The following NTN1 variants were observed in gnomAD, a reference collection of about 807,000 sequenced individuals.
The protein encoded by NTN1 is netrin 1.
Under a neutral mutation model 54.2 loss-of-function variants are expected in NTN1, and 11 were observed. The ratio of observed to expected loss-of-function variants is 0.20; its 90% CI spans 0.13 to 0.34. The LOEUF (loss-of-function observed/expected upper bound fraction) is 0.34. Among genes scored for constraint, NTN1 ranks in the 10% least tolerant of loss-of-function variants. The probability of loss-of-function intolerance (pLI) is 1.00; values close to 1 mark genes in which losing one functional copy is unlikely to be tolerated. For missense variants in NTN1, 740 were observed against 893.1 expected, an observed-to-expected ratio of 0.83 and a Z score of 2.18; for synonymous variants, 371 against 382.0, an observed-to-expected ratio of 0.97 and a Z score of 0.33.
At chr17:9,159,268 T>C (rs1030548820) in intron 2 of NTN1, among the ~76,000 whole-genome samples, 3 of 152,056 alleles carry the variant, frequency 2.0e-5, no homozygotes, top group Non-Finnish European at 2.9e-5. Flanking sequence ...AGAAAAACAA[T>C]ACATGGGGAA....
rs530587715 is a variant in NTN1 at position 9,227,700 on chromosome 17, C to T, written c.1486+6458C>T. Among the ~76,000 whole-genome samples the T allele has an allele frequency of 1.8e-3, 112 of 62,362 alleles. 4 individuals carry two copies. The South Asian group carries it at 0.038, about 21-fold the overall frequency. 40.9% of individuals were successfully genotyped at this position (62,362 alleles called of 152,430 possible). A position where few individuals can be genotyped will look rare whatever the true frequency, so the allele number is the denominator to read the frequency against. On this transcript the variant is annotated intron_variant, in intron 6 of 6. Coordinates refer to ENST00000173229, the MANE Select transcript of NTN1 (RefSeq NM_004822.3). ...TACACACCACACTTATACAGACACACGTATCACACGCACACACACCACACA... is the reference window on the plus strand; with the variant it reads ...TACACACCACACTTATACAGACACATGTATCACACGCACACACACCACACA...
Position 9,022,670 on chromosome 17 carries a change from C to A in NTN1, c.297C>A (p.Pro99=), listed in dbSNP as rs761638017. Residue 99 remains proline (P), a synonymous_variant, in exon 2 of 7, where the codon CCC becomes CCA. Transcript: ENST00000173229. The part of the protein sequence containing the change: ...RSCHLCNASD[P]KKAHPPAFLT... ...GCCACCTCTGCAACGCGTCCGACCC[C>A]AAGAAGGCGCACCCGCCCGCCTTCC... 5 of 1,575,834 alleles carry A rather than the reference C, an allele frequency of 3.2e-6. No individual in the cohort carries two copies. The African/African-American group carries it at 6.8e-5, about 21-fold the overall frequency.
At chr17:9,035,740 G>T (rs1289442810) in intron 2 of NTN1, among the ~76,000 whole-genome samples, 2 of 152,120 alleles carry the variant, frequency 1.3e-5, no homozygotes, top group Non-Finnish European at 2.9e-5. Context: ...ATTTGTAGAG[G>T]GTTGGGCATG....
rs1042064898 is a variant in NTN1, at chr17:9,241,648, C to G, written c.*1680C>G. On this transcript the variant is annotated 3_prime_UTR_variant, in exon 7 of 7. Coordinates refer to ENST00000173229, the MANE Select transcript of NTN1 (RefSeq NM_004822.3). ...CGGTGGTCTGGCTTCCCTCCGCCTT[C>G]CCCACATTTACCCGCATCACGGCTG... The G allele has an allele frequency of 6.6e-6, 1 of 152,434 alleles. No homozygotes were observed. The highest frequency in any genetic ancestry group is 1.5e-5 in the Non-Finnish European group (1 of 68,190). The allele number at this position is 152,434 out of a possible 1,614,324, so 9.4% of individuals were successfully genotyped here. A position where few individuals can be genotyped will look rare whatever the true frequency, so the allele number is the denominator to read the frequency against.
intron 5 of NTN1, among the ~76,000 whole-genome samples, chr17:9,207,208 C>T (rs1270165519): frequency 6.6e-6 from 1 of 152,160 alleles, no homozygotes; most frequent in Admixed American, 6.5e-5. Context: ...AAAAATGTAT[C>T]ACTGCACAGG....
At chr17:9,170,899 G>A (rs2092385614) in intron 3 of NTN1, among the ~76,000 whole-genome samples, 1 of 121,584 alleles carries the variant, frequency 8.2e-6, no homozygotes, top group Admixed American at 9.4e-5. Context: ...CACACACACT[G>A]GGAATCATTT....
chr17:9,151,149 G>A (rs1278099852), intron 2 of NTN1, among the ~76,000 whole-genome samples: 2 of 152,102 alleles, frequency 1.3e-5, no homozygotes, highest in Non-Finnish European at 2.9e-5. Flanking sequence ...AGCCTAAGAG[G>A]GTCTGGCTGC....
chr17:9,083,327 C>T (rs947417871), intron 2 of NTN1, among the ~76,000 whole-genome samples: 1 of 152,196 alleles, frequency 6.6e-6, no homozygotes, highest in Non-Finnish European at 1.5e-5. Flanking sequence ...AACTCCTGAC[C>T]TCAGGTGATT....
chr17:9,167,087 CG>C (rs1368062302), intron 3 of NTN1, among the ~76,000 whole-genome samples: 2 of 152,166 alleles, frequency 1.3e-5, no homozygotes, highest in Non-Finnish European at 1.5e-5. Context: ...TAAACATACC[CG>C]GGGAACAGGC....
intron 1 of NTN1, among the ~76,000 whole-genome samples, chr17:9,022,047 C>T (rs973680092): frequency 6.6e-6 from 1 of 151,878 alleles, no homozygotes; most frequent in Admixed American, 6.5e-5. Flanking sequence ...CCGGCTCAGG[C>T]ATGCCCCTCG....
the NTN1 span, among the ~76,000 whole-genome samples, chr17:9,008,687 T>C: frequency 6.6e-6 from 1 of 152,118 alleles, no homozygotes; most frequent in Non-Finnish European, 1.5e-5. Context: ...CTGCATATGG[T>C]TTTTTACTCA....
Position 9,022,715 on chromosome 17 carries a change from G to T in NTN1, c.342G>T (p.Pro114=), listed in dbSNP as rs73262152. ...PPAFLTDLNN[P]HNLTCWQSEN... ...CCTTCCTCACCGACCTCAACAACCC[G>T]CACAACCTGACGTGCTGGCAGTCCG... Residue 114 remains proline, a synonymous_variant, in exon 2 of 7, where the codon CCG becomes CCT. Coordinates refer to ENST00000173229, the MANE Select transcript of NTN1 (RefSeq NM_004822.3). 6.6e-4 allele frequency: 1,063 copies of T among 1,602,444 alleles called. 5 individuals carry two copies. The African/African-American group carries it at 0.013, about 20-fold the overall frequency.
intron 2 of NTN1, among the ~76,000 whole-genome samples, chr17:9,076,078 C>T (rs1227200911): frequency 6.6e-6 from 1 of 152,178 alleles, no homozygotes; most frequent in Non-Finnish European, 1.5e-5. Context: ...CCCCATGGTC[C>T]CTCAGCTGAC....
intron 5 of NTN1, among the ~76,000 whole-genome samples, chr17:9,204,284 A>C (rs1450397659): frequency 3.4e-3 from 298 of 87,652 alleles, no homozygotes; most frequent in Non-Finnish European, 5.0e-3. Flanking sequence ...CTCTTTCTCT[A>C]TCTCTTTCTC....
chr17:9,101,733 G>A (rs1216858988), intron 2 of NTN1, among the ~76,000 whole-genome samples: 1 of 152,206 alleles, frequency 6.6e-6, no homozygotes, highest in Non-Finnish European at 1.5e-5. Flanking sequence ...CCAGTGTGGT[G>A]GCTCACACCA....
the NTN1 span, among the ~76,000 whole-genome samples, chr17:9,003,915 CAT>C: frequency 6.6e-6 from 1 of 152,208 alleles, no homozygotes; most frequent in South Asian, 2.1e-4. The surrounding 1 kb of genome is among the most constrained non-coding windows in gnomAD (Gnocchi z 7.4). Flanking sequence ...TGGCCATTTC[CAT>C]ACAGCTCCGG....
chr17:9,065,967 A>G (rs571651314), intron 2 of NTN1, among the ~76,000 whole-genome samples: 202 of 152,354 alleles, frequency 1.3e-3, no homozygotes, highest in Non-Finnish European at 2.6e-3. Flanking sequence ...ATCCATTCAT[A>G]TGTGTCCGGA....
chr17:9,180,405 TG>T (rs938679754), intron 4 of NTN1, among the ~76,000 whole-genome samples: 5 of 152,226 alleles, frequency 3.3e-5, no homozygotes, highest in African/African-American at 1.2e-4. Context: ...TGAGTCCACG[TG>T]GGAGACCCCC....
intron 3 of NTN1, among the ~76,000 whole-genome samples, chr17:9,168,388 C>G (rs576312446): frequency 7.9e-5 from 12 of 152,246 alleles, no homozygotes; most frequent in Admixed American, 7.8e-4. Context: ...CAAAATTAGC[C>G]GGGCGCAGTG....
Sources: gnomAD v4.1 joint callset for allele counts (sites outside exome capture counted in the v4.1 genomes callset) on GRCh38, gnomAD v4.1.1 for gene constraint, Gnocchi (gnomAD v3.1) non-coding constraint, MANE v1.5 for transcripts, NCBI Gene and HGNC (gene_info 2026-07-23, HGNC 2026-07-21) for gene names.